CLSTN2: variants seen among roughly 807,000 people sequenced by gnomAD.
CLSTN2 encodes the protein calsyntenin 2.
In CLSTN2, 48 loss-of-function variants were observed where a neutral mutation model predicts 101.2. The ratio of observed to expected loss-of-function variants is 0.47; its 90% CI spans 0.38 to 0.60. CLSTN2 has a LOEUF of 0.60. CLSTN2 is among the 20% of genes least tolerant of loss of function. The pLI, the probability that CLSTN2 is intolerant of heterozygous loss-of-function variation, is 0.00. For synonymous variants in CLSTN2, 481 were observed against 463.6 expected (o/e 1.04, Z -0.48); for missense variants, 1,160 against 1,238.2 (o/e 0.94, Z 0.95).
At chr3:140,140,084 G>A (rs760855062) in intron 1 of CLSTN2, among the ~76,000 whole-genome samples, 4 of 152,176 alleles carry the variant, frequency 2.6e-5, no homozygotes, top group Non-Finnish European at 4.4e-5. Context: ...TTGACTCAGT[G>A]TGTTTGAGGA....
chr3:140,539,353 C>A (rs1437222595), intron 9 of CLSTN2, among the ~76,000 whole-genome samples: 1 of 152,010 alleles, frequency 6.6e-6, no homozygotes, highest in Non-Finnish European at 1.5e-5. Flanking sequence ...TGTTTTAGGT[C>A]CTGGAGTCAA....
chr3:140,243,079 A>G (rs2086484797), intron 2 of CLSTN2, among the ~76,000 whole-genome samples: 1 of 152,200 alleles, frequency 6.6e-6, no homozygotes, highest in African/African-American at 2.4e-5. Flanking sequence ...ATGATTACTA[A>G]TTATGTAAGT....
At chr3:140,023,325 G>A (rs1035156280) in intron 1 of CLSTN2, among the ~76,000 whole-genome samples, 1 of 152,138 alleles carries the variant, frequency 6.6e-6, no homozygotes, top group African/African-American at 2.4e-5. Context: ...CACAAAAACA[G>A]CTTAACTCCC....
chr3:140,565,429 C>T (rs779464590), intron 16 of CLSTN2, among the ~76,000 whole-genome samples: 47 of 151,772 alleles, frequency 3.1e-4, no homozygotes, highest in Non-Finnish European at 5.3e-4. Context: ...TGAAATTTTG[C>T]TGGAATTATC....
chr3:140,189,250 A>G (rs2010525876), intron 2 of CLSTN2, among the ~76,000 whole-genome samples: 1 of 152,086 alleles, frequency 6.6e-6, no homozygotes, highest in Non-Finnish European at 1.5e-5. Context: ...ATAAGTCTTT[A>G]TTTTTCTGGG....
rs183311230 is a variant in CLSTN2 at position 140,315,375 on chromosome 3, G to C, written c.233-88254G>C. On this transcript the variant is annotated intron_variant, in intron 2 of 16. Transcript: ENST00000458420. ...CAAGAGGATTTACTTAGAAGAAACT[G>C]TGTCAGCCCTAATTAATGACTCCAG... Among the ~76,000 whole-genome samples, 332 of 152,316 alleles carry C rather than the reference G, an allele frequency of 2.2e-3. 1 individual carries two copies. Among genetic ancestry groups the C allele is most frequent in the African/African-American group, 7.8e-3 (323 of 41,564 alleles).
chr3:140,404,909 C>G, intron 4 of CLSTN2, 143 bp downstream of exon 4: 2 of 702,274 alleles, frequency 2.8e-6, no homozygotes, highest in Non-Finnish European at 4.9e-6. Context: ...ACCCAGAGCT[C>G]AGTCCCACAC....
At chr3:140,003,923 A>G (rs1015187656) in intron 1 of CLSTN2, among the ~76,000 whole-genome samples, 9 of 152,056 alleles carry the variant, frequency 5.9e-5, no homozygotes, top group African/African-American at 1.9e-4. Context: ...CATTTCTACG[A>G]TCTTTATTTC....
At chr3:140,410,415 A>G (rs1267173476) in intron 4 of CLSTN2, among the ~76,000 whole-genome samples, 1 of 151,256 alleles carries the variant, frequency 6.6e-6, no homozygotes, top group Non-Finnish European at 1.5e-5. Context: ...AAAAAGCAAA[A>G]AAAAAAAAAA....
chr3:140,026,054 A>G (rs963856429), intron 1 of CLSTN2, among the ~76,000 whole-genome samples: 1 of 152,162 alleles, frequency 6.6e-6, no homozygotes, highest in African/African-American at 2.4e-5. Context: ...TGGCAGGTCC[A>G]TCTGCTCTCC....
intron 2 of CLSTN2, among the ~76,000 whole-genome samples, chr3:140,359,288 A>G (rs190857604): frequency 6.6e-6 from 1 of 152,204 alleles, no homozygotes; most frequent in Admixed American, 6.5e-5. Flanking sequence ...GAGTGAATGA[A>G]CAAAAACGTT....
intron 2 of CLSTN2, among the ~76,000 whole-genome samples, chr3:140,334,711 C>T (rs934788125): frequency 1.3e-5 from 2 of 152,160 alleles, no homozygotes; most frequent in Non-Finnish European, 2.9e-5. Context: ...GAAAGCTTCA[C>T]AGAGGAGGGG....
chr3:140,366,028 T>TA (rs1393967053), intron 2 of CLSTN2, among the ~76,000 whole-genome samples: 2 of 152,134 alleles, frequency 1.3e-5, no homozygotes, highest in African/African-American at 2.4e-5. Flanking sequence ...CACAGCTGCT[T>TA]ACCTACTAGC....
At chr3:140,014,269 G>A (rs2007151321) in intron 1 of CLSTN2, among the ~76,000 whole-genome samples, 1 of 151,980 alleles carries the variant, frequency 6.6e-6, no homozygotes, top group African/African-American at 2.4e-5. Flanking sequence ...CTGTCACCCA[G>A]GCTGCAGTGC....
intron 1 of CLSTN2, among the ~76,000 whole-genome samples, chr3:140,100,691 C>T (rs532411206): frequency 6.6e-6 from 1 of 152,350 alleles, no homozygotes; most frequent in African/African-American, 2.4e-5. Context: ...ATAATCCTGT[C>T]TGTGGGTGGA....
intron 2 of CLSTN2, among the ~76,000 whole-genome samples, chr3:140,267,516 AAG>A (rs1307455697): frequency 5.9e-5 from 9 of 152,202 alleles, no homozygotes; most frequent in Non-Finnish European, 1.2e-4. Context: ...TGCCAAAGCA[AAG>A]AGAGAGATAC....
intron 6 of CLSTN2, among the ~76,000 whole-genome samples, chr3:140,450,952 T>C (rs1040506910): frequency 2.6e-5 from 4 of 151,920 alleles, no homozygotes; most frequent in African/African-American, 9.7e-5. Flanking sequence ...CAATATTCCA[T>C]ACAGCTCTTG....
chr3:140,005,898 G>A (rs895881118), intron 1 of CLSTN2, among the ~76,000 whole-genome samples: 1 of 152,144 alleles, frequency 6.6e-6, no homozygotes, highest in South Asian at 2.1e-4. Context: ...GTAGAAAGGT[G>A]CCAACCCACA....
At chr3:140,466,774 G>A (rs367753538) in intron 8 of CLSTN2, 43 bp downstream of exon 8, 49 of 1,611,440 alleles carry the variant, frequency 3.0e-5, no homozygotes, top group African/African-American at 2.7e-5. Flanking sequence ...ATGCCTCTGC[G>A]GGGGTGGCCA....
Sources: gnomAD v4.1 joint callset for allele counts (sites outside exome capture counted in the v4.1 genomes callset) on GRCh38, gnomAD v4.1.1 for gene constraint, MANE v1.5 for transcripts, NCBI Gene and HGNC (gene_info 2026-07-23, HGNC 2026-07-21) for gene names.